The following NRG3 variants were observed in gnomAD, a reference collection of about 807,000 sequenced individuals.
NRG3 encodes neuregulin 3.
A neutral mutation model predicts 66.9 loss-of-function variants in NRG3; 31 were observed. The ratio of observed to expected loss-of-function variants is 0.46; its 90% CI spans 0.35 to 0.63. NRG3 has a LOEUF of 0.63. Ranked by LOEUF, NRG3 falls within the 20% of genes least tolerant of loss-of-function variation. NRG3 has a pLI of 0.00. For missense variants in NRG3, 910 were observed against 878.9 expected (o/e 1.04, Z -0.45); for synonymous variants, 393 against 359.4 (o/e 1.09, Z -1.06).
intron 3 of NRG3, among the ~76,000 whole-genome samples, chr10:82,806,095 T>A (rs342368): frequency 9.9e-5 from 15 of 152,102 alleles, no homozygotes; most frequent in Non-Finnish European, 2.1e-4. Context: ...CATCCTAATC[T>A]ACTGCTAGAG....
Position 82,171,230 on chromosome 10 carries a change from ATTCT to A in NRG3, c.824-187504_824-187501del, listed in dbSNP as rs566396981. 2.2e-4 allele frequency among the ~76,000 whole-genome samples: 33 copies of A among 152,214 alleles called. No homozygotes were observed. In the East Asian group the frequency reaches 6.0e-3, roughly 28 times the overall value. On this transcript the variant is annotated intron_variant, in intron 1 of 8. Transcript: ENST00000372141. ...AAAGTAGAGACGCATCAAATCAATC[ATTCT>A]TTCTCCCCTAGTTGCCTGGCCCAGT...
chr10:82,488,996 A>G (rs530810731), intron 2 of NRG3, among the ~76,000 whole-genome samples: 63 of 152,276 alleles, frequency 4.1e-4, no homozygotes, highest in African/African-American at 1.5e-3. Flanking sequence ...TCAATAATAA[A>G]CATGACTACT....
At chr10:82,976,741 G>A (rs1852292163) in intron 7 of NRG3, among the ~76,000 whole-genome samples, 1 of 152,100 alleles carries the variant, frequency 6.6e-6, no homozygotes, top group African/African-American at 2.4e-5. Flanking sequence ...TAGACGGCAG[G>A]GAGGACAGTG....
At chr10:82,322,699 G>A (rs928073267) in intron 1 of NRG3, among the ~76,000 whole-genome samples, 6 of 152,136 alleles carry the variant, frequency 3.9e-5, no homozygotes, top group African/African-American at 1.2e-4. Context: ...GAATCTTTAT[G>A]TACTACTTAT....
At chr10:82,525,932 G>A (rs1846650172) in intron 2 of NRG3, among the ~76,000 whole-genome samples, 1 of 151,870 alleles carries the variant, frequency 6.6e-6, no homozygotes. Flanking sequence ...TAACTAAATG[G>A]ATGAATTAAA....
At chr10:82,145,580 C>T (rs369214192) in intron 1 of NRG3, among the ~76,000 whole-genome samples, 21 of 152,258 alleles carry the variant, frequency 1.4e-4, no homozygotes, top group African/African-American at 5.1e-4. Flanking sequence ...AATCTCTTAT[C>T]ACATGGGAAC....
At chr10:82,526,260 A>G (rs896986953) in intron 2 of NRG3, among the ~76,000 whole-genome samples, 3 of 151,860 alleles carry the variant, frequency 2.0e-5, no homozygotes, top group Non-Finnish European at 4.4e-5. Flanking sequence ...TACCTTAAAT[A>G]TACACAATAA....
In NRG3 at chr10:82,223,642, A is replaced by AACACACACACAC. The variant is rs398014296; in HGVS notation, c.824-135067_824-135056dup. Among the ~76,000 whole-genome samples the AACACACACACAC allele has an allele frequency of 7.8e-3, 1,073 of 137,986 alleles. 12 individuals carry two copies. Among genetic ancestry groups the AACACACACACAC allele is most frequent in the African/African-American group, 0.018 (643 of 35,986 alleles). The allele number at this position is 137,986 out of a possible 152,430, so 90.5% of individuals were successfully genotyped here. Reference sequence around the variant, plus strand: ...TAGTAATATTCCAGCAACCACCCCAAACACACACACACACACACACACACA... The same window carrying AACACACACACAC: ...TAGTAATATTCCAGCAACCACCCCAAACACACACACACACACACACACACACACACACACACA... On this transcript the variant is annotated intron_variant, in intron 1 of 8. Coordinates refer to ENST00000372141, the MANE Select transcript of NRG3 (RefSeq NM_001010848.4).
At chr10:82,944,960 C>A (rs1456482775) in intron 4 of NRG3, among the ~76,000 whole-genome samples, 1 of 152,086 alleles carries the variant, frequency 6.6e-6, no homozygotes, top group Non-Finnish European at 1.5e-5. Flanking sequence ...ATCAGGCTTC[C>A]ATTTGCTTAT....
intron 2 of NRG3, among the ~76,000 whole-genome samples, chr10:82,454,599 T>C (rs2091184999): frequency 1.3e-5 from 2 of 152,288 alleles, no homozygotes; most frequent in East Asian, 1.9e-4. Context: ...TGCACAACCA[T>C]TCAGATAAAA....
rs571962894 is a variant in NRG3, at chr10:82,139,593, C to T, written c.824-219146C>T. On this transcript the variant is annotated intron_variant, in intron 1 of 8. Coordinates refer to ENST00000372141, the MANE Select transcript of NRG3 (RefSeq NM_001010848.4). ...ATTTTTTTCTTTTGGAAGCATCAAG[C>T]TTTCTCAATATTGTGACACTTACAT... 7.9e-5 allele frequency among the ~76,000 whole-genome samples: 12 copies of T among 152,240 alleles called. No individual in the cohort carries two copies. The South Asian group carries it at 2.5e-3, about 32-fold the overall frequency.
intron 1 of NRG3, among the ~76,000 whole-genome samples, chr10:82,249,181 A>C (rs774466670): frequency 1.3e-4 from 20 of 152,164 alleles, no homozygotes; most frequent in Non-Finnish European, 2.2e-4. Context: ...ACATGTTGTT[A>C]TCTTTTTTCC....
intron 1 of NRG3, among the ~76,000 whole-genome samples, chr10:82,323,650 T>C (rs2081703173): frequency 1.3e-5 from 2 of 152,280 alleles, no homozygotes; most frequent in South Asian, 4.2e-4. Context: ...TCCCTCCTCT[T>C]AAATATTCTG....
At chr10:82,073,457 T>G (rs988549559) in intron 1 of NRG3, among the ~76,000 whole-genome samples, 1 of 152,208 alleles carries the variant, frequency 6.6e-6, no homozygotes, top group Non-Finnish European at 1.5e-5. Context: ...AGTGTTATTT[T>G]GACATTCTGT....
chr10:82,765,795 T>C (rs371864894), intron 3 of NRG3, among the ~76,000 whole-genome samples: 1 of 152,114 alleles, frequency 6.6e-6, no homozygotes, highest in African/African-American at 2.4e-5. Flanking sequence ...GTTTGTAGAC[T>C]GAATTTTAGT....
rs565308421 is a variant in NRG3 at position 82,660,355 on chromosome 10, C to T, written c.954-78222C>T. Among the ~76,000 whole-genome samples the T allele has an allele frequency of 4.6e-5, 7 of 152,012 alleles. No homozygotes were observed. In the South Asian group the frequency reaches 8.3e-4, roughly 18 times the overall value. Reference sequence around the variant, plus strand: ...TTGACAGTGTTAAAACATTTGGCCCCCTAAATTCACAGTTTATTGGAACAC... The same window carrying T: ...TTGACAGTGTTAAAACATTTGGCCCTCTAAATTCACAGTTTATTGGAACAC... On this transcript the variant is annotated intron_variant, in intron 2 of 8. Coordinates refer to ENST00000372141, the MANE Select transcript of NRG3 (RefSeq NM_001010848.4).
intron 2 of NRG3, among the ~76,000 whole-genome samples, chr10:82,457,092 A>G (rs1382430063): frequency 6.6e-6 from 1 of 151,922 alleles, no homozygotes; most frequent in Non-Finnish European, 1.5e-5. Flanking sequence ...ATAAAATAAA[A>G]ACTTCCATGC....
At chr10:82,109,982 A>C (rs971500) in intron 1 of NRG3, among the ~76,000 whole-genome samples, 124,390 of 151,990 alleles carry the variant, frequency 0.82, 51,007 homozygotes, top group East Asian at 0.9. Context: ...TTTTGGTGAC[A>C]ATATGCTAGG....
At chr10:81,883,104 T>TAGGA (rs1364688531) in intron 1 of NRG3, among the ~76,000 whole-genome samples, 1 of 152,116 alleles carries the variant, frequency 6.6e-6, no homozygotes, top group African/African-American at 2.4e-5. Flanking sequence ...TCTTTAGATT[T>TAGGA]TGGAGAGAAT....
Sources: gnomAD v4.1 joint callset for allele counts (sites outside exome capture counted in the v4.1 genomes callset) on GRCh38, gnomAD v4.1.1 for gene constraint, MANE v1.5 for transcripts, NCBI Gene and HGNC (gene_info 2026-07-23, HGNC 2026-07-21) for gene names.